Variants in SLC17A2 observed in about 807,000 individuals in gnomAD.
The protein encoded by SLC17A2 is solute carrier family 17 member 2.
Under a neutral mutation model 52.1 loss-of-function variants are expected in SLC17A2, and 38 were observed. The observed-to-expected ratio is 0.73, with a 90% CI of 0.56 to 0.96. SLC17A2 has a LOEUF of 0.96. Among genes scored for constraint, SLC17A2 ranks in the 40% least tolerant of loss-of-function variants. The pLI, the probability that SLC17A2 is intolerant of heterozygous loss-of-function variation, is 0.00. For missense variants in SLC17A2, 508 were observed against 583.9 expected (o/e 0.87, Z 1.34); for synonymous variants, 226 against 211.9 (o/e 1.07, Z -0.58).
At chr6:25,930,141 C>T (rs1226025774) in intron 1 of SLC17A2, 136 bp downstream of exon 1, 1 of 152,200 alleles carries the variant, frequency 6.6e-6, no homozygotes, top group Non-Finnish European at 1.5e-5. Context: ...CCTGAGAGAC[C>T]ATTTCAAATT....
intron 3 of SLC17A2, among the ~76,000 whole-genome samples, chr6:25,923,316 T>C (rs1766628020): frequency 6.6e-6 from 1 of 152,240 alleles, no homozygotes; most frequent in Admixed American, 6.5e-5. Flanking sequence ...CGTTTGCATT[T>C]CTATTGGTTA....
At chr6:25,924,855 G>A (rs1379751000) in intron 2 of SLC17A2, among the ~76,000 whole-genome samples, 1 of 151,616 alleles carries the variant, frequency 6.6e-6, no homozygotes, top group Non-Finnish European at 1.5e-5. Flanking sequence ...TACAAAGCTT[G>A]CAGGTGATGT....
Position 25,918,518 on chromosome 6 carries a change from G to A in SLC17A2, c.618C>T (p.Ala206=). 6.2e-7 allele frequency: 1 copy of A among 1,613,570 alleles called. No homozygotes were observed. The change falls in exon 6 of 12, where the codon GCC becomes GCT. Residue 206 remains alanine, a synonymous_variant. Transcript: ENST00000377850. ...ILCVGGLISQ[A]LSWPFIFYIF... ...TGTAGAAGATAAAAGGCCAGCTCAA[G>A]GCCTGTGAGATTAGTCCCCCCACAC...
intron 1 of SLC17A2, 133 bp from the exon 2 acceptor site, chr6:25,926,012 A>T (rs1561882907): frequency 1.6e-6 from 1 of 607,470 alleles, no homozygotes; most frequent in African/African-American, 1.8e-5. Context: ...CACTACTGGT[A>T]TGCTTTTGGT....
chr6:25,914,434 G>T, intron 11 of SLC17A2, 146 bp downstream of exon 11: 1 of 619,198 alleles, frequency 1.6e-6, no homozygotes, highest in African/African-American at 1.9e-5. Flanking sequence ...TTCTTCCTCT[G>T]GGAAATCTGA....
intron 2 of SLC17A2, 45 bp downstream of exon 2, chr6:25,925,724 C>A: frequency 1.3e-6 from 2 of 1,573,136 alleles, no homozygotes; most frequent in Non-Finnish European, 1.8e-6. Context: ...TCGGAATAAG[C>A]TTCAGCTTAT....
intron 6 of SLC17A2, among the ~76,000 whole-genome samples, chr6:25,917,602 C>A (rs1766377468): frequency 6.6e-6 from 1 of 152,164 alleles, no homozygotes. Flanking sequence ...TTGTACAATA[C>A]CTGGTTAACA....
Position 25,915,736 on chromosome 6 carries a change from C to A in SLC17A2, c.1063G>T (p.Gly355Trp), listed in dbSNP as rs1438707439. 2 of 1,613,846 alleles carry A rather than the reference C, an allele frequency of 1.2e-6. No homozygotes were observed. The highest frequency in any genetic ancestry group is 3.3e-5 in the Admixed American group (2 of 59,964). Reference protein sequence around the residue: ...ITVRKLFSSLGLLLPSICAVA... With the variant: ...ITVRKLFSSLWLLLPSICAVA... ...AATGGGCCCACACGCTTATCCTTAC[C>A]AAGAGATGAAAAGAGCTTTCGCACA... is the stretch of plus-strand genomic sequence containing the variant. The change falls in exon 9 of 12, where the codon GGG becomes TGG. Residue 355 changes from glycine (G) to tryptophan (W), a missense_variant and splice_region_variant. Gly to Trp is a radical substitution (Grantham distance 184). Transcript: ENST00000377850.
In SLC17A2 at chr6:25,917,102, T is replaced by A; in HGVS notation, c.650-15A>T. 8 of 1,601,116 alleles carry A rather than the reference T, an allele frequency of 5.0e-6. No individual in the cohort carries two copies. The highest frequency in any genetic ancestry group is 1.1e-5 in the South Asian group (1 of 90,850). ...GCCAGTGCTACCTGGGAAGAAGGGA[T>A]AAAATTAGTTTTTAGGTAGATTTGT... On this transcript the variant is annotated splice_polypyrimidine_tract_variant and intron_variant, in intron 6 of 11. Coordinates refer to ENST00000377850, the MANE Select transcript of SLC17A2 (RefSeq NM_001286123.3).
rs201214623 is a variant in SLC17A2, at chr6:25,915,845, A to C, written c.954T>G (p.Pro318=). 1.2e-6 allele frequency: 2 copies of C among 1,614,072 alleles called. No individual in the cohort carries two copies. Among genetic ancestry groups the C allele is most frequent in the Admixed American group, 1.7e-5 (1 of 59,996 alleles). The part of the protein sequence containing the change: ...IRDSGVLSSL[P]FIAAASCTIL... ...TTGTACAGCTTGCAGCAGCAATAAAAGGCAGGGAGGACAGAACTCCACTCT... is the reference window on the plus strand; with the variant it reads ...TTGTACAGCTTGCAGCAGCAATAAACGGCAGGGAGGACAGAACTCCACTCT... The change falls in exon 9 of 12, where the codon CCT becomes CCG. Residue 318 remains proline, a synonymous_variant. Coordinates refer to ENST00000377850, the MANE Select transcript of SLC17A2 (RefSeq NM_001286123.3).
rs1260636923 is a variant in SLC17A2 at position 25,913,419 on chromosome 6, G to A, written c.1335C>T (p.Phe445=). The part of the protein sequence containing the change: ...DFESGWRNVF[F]LSAAVNMFGL... The stretch of plus-strand genomic sequence containing the variant: ...CAAACATGTTGACTGCAGCAGACAG[G>A]AAAAAGACATTCCTCCAACCAGACT... The change falls in exon 12 of 12, where the codon TTC becomes TTT. Residue 445 remains phenylalanine, a synonymous_variant. Coordinates refer to ENST00000377850, the MANE Select transcript of SLC17A2 (RefSeq NM_001286123.3). 6.2e-7 allele frequency: 1 copy of A among 1,614,010 alleles called. No homozygotes were observed. Among genetic ancestry groups the A allele is most frequent in the Admixed American group, 1.7e-5 (1 of 60,012 alleles).
At chr6:25,921,480 T>C in intron 3 of SLC17A2, 68 bp from the exon 4 acceptor site, 1 of 1,115,516 alleles carries the variant, frequency 9.0e-7, no homozygotes, top group East Asian at 2.4e-5. Context: ...ACAGTCAGAG[T>C]TGCTTGAGGT....
intron 8 of SLC17A2, among the ~76,000 whole-genome samples, chr6:25,916,239 C>T (rs930848077): frequency 1.3e-5 from 2 of 152,160 alleles, no homozygotes; most frequent in African/African-American, 4.8e-5. Context: ...TGCCACCACA[C>T]CTGGCTAATT....
At chr6:25,927,188 A>AATT (rs1189578266) in intron 1 of SLC17A2, among the ~76,000 whole-genome samples, 2 of 152,338 alleles carry the variant, frequency 1.3e-5, no homozygotes, top group Middle Eastern at 3.4e-3. Context: ...ATAATCTGTG[A>AATT]CCTTAGGATG....
intron 7 of SLC17A2, 48 bp downstream of exon 7, chr6:25,916,921 G>A (rs772394435): frequency 6.2e-7 from 1 of 1,605,570 alleles, no homozygotes; most frequent in South Asian, 1.1e-5. Context: ...TCCACACCCT[G>A]CCCTAGAGAC....
At chr6:25,918,440 G>A in intron 6 of SLC17A2, 47 bp downstream of exon 6, 1 of 1,303,786 alleles carries the variant, frequency 7.7e-7, no homozygotes, top group Non-Finnish European at 1.1e-6. Context: ...TGCCAAAATG[G>A]ATGCTCAGGA....
intron 8 of SLC17A2, 65 bp downstream of exon 8, chr6:25,916,620 T>C: frequency 7.5e-7 from 1 of 1,337,522 alleles, no homozygotes; most frequent in Non-Finnish European, 1.1e-6. Flanking sequence ...ATGTAATAGG[T>C]AACACAGAAC....
chr6:25,924,027 T>C, intron 2 of SLC17A2, 121 bp from the exon 3 acceptor site: 1 of 779,646 alleles, frequency 1.3e-6, no homozygotes, highest in South Asian at 1.8e-5. Flanking sequence ...TGTCTTTTTT[T>C]CACCAAAATA....
At position 25,923,925 on chromosome 6, in the gene SLC17A2, G is replaced by A. The variant is rs766707671; in HGVS notation, c.29-19C>T. 15 of 1,599,896 alleles carry A rather than the reference G, an allele frequency of 9.4e-6. No individual in the cohort carries two copies. Among genetic ancestry groups the A allele is most frequent in the Non-Finnish European group, 1.2e-5 (14 of 1,168,060 alleles). On this transcript the variant is annotated intron_variant, in intron 2 of 11. Coordinates refer to ENST00000377850, the MANE Select transcript of SLC17A2 (RefSeq NM_001286123.3). Reference sequence around the variant, plus strand: ...TCTGGACCTAGACAACAACACAGATGTATGTAGTGAGCATCCTGACTGAGA... The same window carrying A: ...TCTGGACCTAGACAACAACACAGATATATGTAGTGAGCATCCTGACTGAGA...
Sources: allele counts gnomAD v4.1 joint callset (sites outside exome capture counted in the v4.1 genomes callset), GRCh38; gene constraint gnomAD v4.1.1; transcripts MANE v1.5; gene names NCBI Gene and HGNC (gene_info 2026-07-23, HGNC 2026-07-21).